The following IL1RAPL1 variants were observed in gnomAD, a reference collection of about 807,000 sequenced individuals.
IL1RAPL1 encodes the protein interleukin 1 receptor accessory protein like 1, also known as interleukin-1 receptor accessory protein-like 1.
IL1RAPL1 carries 3 observed loss-of-function variants against 48.4 expected under a neutral mutation model. The observed-to-expected ratio is 0.06, with a 90% confidence interval of 0.03 to 0.16. The LOEUF is 0.16. Among genes scored for constraint, IL1RAPL1 ranks in the 10% least tolerant of loss-of-function variants. The pLI, the probability that IL1RAPL1 is intolerant of heterozygous loss-of-function variation, is 1.00. For synonymous variants in IL1RAPL1, 185 were observed against 187.7 expected (o/e 0.99, Z 0.12); for missense variants, 349 against 530.6 (o/e 0.66, Z 3.36).
chrX:29,504,303 C>T (rs1428892453), intron 5 of IL1RAPL1, among the ~76,000 whole-genome samples: 1 of 111,574 alleles, frequency 9.0e-6, no homozygotes, highest in Admixed American at 9.5e-5. Flanking sequence ...AGAATGTGTA[C>T]TTGGTAACAG....
intron 1 of IL1RAPL1, among the ~76,000 whole-genome samples, chrX:28,783,546 C>G (rs1382590449): frequency 9.0e-6 from 1 of 110,902 alleles, no homozygotes; most frequent in Non-Finnish European, 1.9e-5. Context: ...TTTGTCAGGG[C>G]CAATTTAGAA....
chrX:29,054,877 T>G (rs1188068057), intron 2 of IL1RAPL1, among the ~76,000 whole-genome samples: 2 of 112,021 alleles, frequency 1.8e-5, no homozygotes, highest in Non-Finnish European at 3.8e-5. Flanking sequence ...ATCTTCAAAA[T>G]GTAGAATAGT....
chrX:29,177,383 A>G (rs1354996514), intron 2 of IL1RAPL1, among the ~76,000 whole-genome samples: 1 of 111,728 alleles, frequency 9.0e-6, no homozygotes, highest in Non-Finnish European at 1.9e-5. Context: ...TTCTCCCAAA[A>G]ATTCGATTGC....
intron 2 of IL1RAPL1, among the ~76,000 whole-genome samples, chrX:29,260,141 A>C (rs935597208): frequency 8.9e-6 from 1 of 112,412 alleles, no homozygotes; most frequent in African/African-American, 3.2e-5. Context: ...CATTCTTATT[A>C]AGATTTAAAT....
At chrX:29,863,822 T>C (rs1455666749) in intron 6 of IL1RAPL1, among the ~76,000 whole-genome samples, 2 of 110,638 alleles carry the variant, frequency 1.8e-5, no homozygotes, top group Admixed American at 9.5e-5. Context: ...AGTCTCACTC[T>C]GTCGCTCAGG....
At chrX:29,052,642 C>T (rs767227444) in intron 2 of IL1RAPL1, among the ~76,000 whole-genome samples, 2 of 108,063 alleles carry the variant, frequency 1.9e-5, no homozygotes, top group Admixed American at 1.0e-4. Context: ...TCAGATTACA[C>T]GTGTAAGTGA....
chrX:29,647,393 T>C (rs1280314422), intron 5 of IL1RAPL1, among the ~76,000 whole-genome samples: 1 of 109,278 alleles, frequency 9.2e-6, no homozygotes. Context: ...TGATGGCGTG[T>C]AAATTCCTTA....
At chrX:29,690,920 A>G (rs1421340277) in intron 6 of IL1RAPL1, among the ~76,000 whole-genome samples, 1 of 111,985 alleles carries the variant, frequency 8.9e-6, no homozygotes, top group African/African-American at 3.2e-5. Context: ...GAAAGAAGGT[A>G]CTATATATAC....
At position 28,636,150 on chromosome X, in the gene IL1RAPL1, T is replaced by C. The variant is rs777224749; in HGVS notation, c.-25+48103T>C. Among the ~76,000 whole-genome samples the C allele has an allele frequency of 9.4e-3, 1,053 of 112,273 alleles. 10 individuals carry two copies. Among genetic ancestry groups the C allele is most frequent in the African/African-American group, 0.032 (984 of 30,943 alleles). On this transcript the variant is annotated intron_variant, in intron 1 of 10. Coordinates refer to ENST00000378993, the MANE Select transcript of IL1RAPL1 (RefSeq NM_014271.4). ...TGGCATTATTTTCCCACCTGGAATG[T>C]CATCTCTTTCTTTTATCTATGTTTC... is the stretch of plus-strand genomic sequence containing the variant.
chrX:29,481,347 T>G, intron 5 of IL1RAPL1, among the ~76,000 whole-genome samples: 1 of 112,832 alleles, frequency 8.9e-6, no homozygotes, highest in Non-Finnish European at 1.9e-5. Flanking sequence ...TCAGTCATTT[T>G]AAAAAAGCAG....
At chrX:29,671,104 C>T (rs1450729393) in intron 6 of IL1RAPL1, among the ~76,000 whole-genome samples, 1 of 112,059 alleles carries the variant, frequency 8.9e-6, no homozygotes. Context: ...CCAATCAACC[C>T]TAGTAACTGT....
At chrX:29,779,792 A>G (rs926660354) in intron 6 of IL1RAPL1, among the ~76,000 whole-genome samples, 1 of 111,335 alleles carries the variant, frequency 9.0e-6, no homozygotes, top group African/African-American at 3.3e-5. Context: ...TTCGCTTCTC[A>G]TGAGTTGCAT....
At chrX:29,394,534 A>G (rs1288524922) in intron 3 of IL1RAPL1, among the ~76,000 whole-genome samples, 3 of 112,316 alleles carry the variant, frequency 2.7e-5, no homozygotes, top group Admixed American at 1.9e-4. Flanking sequence ...AAATTGCCAA[A>G]TTCTTATTCA....
At chrX:29,447,680 G>A (rs933263751) in intron 5 of IL1RAPL1, among the ~76,000 whole-genome samples, 9 of 111,938 alleles carry the variant, frequency 8.0e-5, no homozygotes, top group South Asian at 7.4e-4. Context: ...TTATGATGTC[G>A]AAACTTAGAA....
intron 1 of IL1RAPL1, among the ~76,000 whole-genome samples, chrX:28,634,730 C>T (rs1033885492): frequency 1.5e-4 from 16 of 110,220 alleles, no homozygotes; most frequent in Non-Finnish European, 2.5e-4. Context: ...CATTTTATCA[C>T]GTTTTTCTCT....
At chrX:29,152,047 G>C (rs1400688633) in intron 2 of IL1RAPL1, among the ~76,000 whole-genome samples, 1 of 111,883 alleles carries the variant, frequency 8.9e-6, no homozygotes, top group Non-Finnish European at 1.9e-5. Flanking sequence ...TGGACTCACA[G>C]TTCCACATGG....
At chrX:28,980,125 C>T (rs1163755305) in intron 2 of IL1RAPL1, among the ~76,000 whole-genome samples, 1 of 112,470 alleles carries the variant, frequency 8.9e-6, no homozygotes, top group Non-Finnish European at 1.9e-5. Flanking sequence ...ATCATCTTGA[C>T]TCTCAGGAGA....
intron 5 of IL1RAPL1, among the ~76,000 whole-genome samples, chrX:29,542,424 C>G (rs748140716): frequency 1.8e-5 from 2 of 111,786 alleles, no homozygotes; most frequent in East Asian, 5.6e-4. Flanking sequence ...CACTTTACAG[C>G]AAGTAGTTCT....
At chrX:28,660,535 A>G (rs946304117) in intron 1 of IL1RAPL1, among the ~76,000 whole-genome samples, 1 of 111,970 alleles carries the variant, frequency 8.9e-6, no homozygotes, top group African/African-American at 3.2e-5. Flanking sequence ...TTTATTATAA[A>G]TTTGTTATTT....
Sources: gnomAD v4.1 joint callset for allele counts (sites outside exome capture counted in the v4.1 genomes callset) on GRCh38, gnomAD v4.1.1 for gene constraint, MANE v1.5 for transcripts, NCBI Gene and HGNC (gene_info 2026-07-23, HGNC 2026-07-21) for gene names.